ADAMTSL1: variants seen among roughly 807,000 people sequenced by gnomAD.
ADAMTSL1 encodes ADAMTS like 1.
Under a neutral mutation model 201.8 loss-of-function variants are expected in ADAMTSL1, and 126 were observed. That is an observed-to-expected ratio of 0.62 (90% CI 0.54 to 0.72). The LOEUF is 0.72. ADAMTSL1 is among the 30% of genes least tolerant of loss of function. ADAMTSL1 has a pLI of 0.00. For missense variants in ADAMTSL1, 2,679 were observed against 2,277.8 expected, an observed-to-expected ratio of 1.18 and a Z score of -3.59; for synonymous variants, 1,121 against 903.4, an observed-to-expected ratio of 1.24 and a Z score of -4.32.
chr9:18,476,576 T>G (rs1821464244), intron 1 of ADAMTSL1, among the ~76,000 whole-genome samples: 1 of 152,210 alleles, frequency 6.6e-6, no homozygotes, highest in Non-Finnish European at 1.5e-5. Context: ...TTTAGCCTGT[T>G]GTGTACTTGA....
At chr9:18,021,690 A>G (rs74749592) in intron 1 of ADAMTSL1, among the ~76,000 whole-genome samples, 1 of 152,176 alleles carries the variant, frequency 6.6e-6, no homozygotes, top group Admixed American at 6.6e-5. Context: ...TTAAAAGGAG[A>G]TAGATATCTC....
intron 1 of ADAMTSL1, among the ~76,000 whole-genome samples, chr9:17,952,714 G>C (rs1165076422): frequency 1.3e-5 from 2 of 151,984 alleles, no homozygotes; most frequent in African/African-American, 2.4e-5. Context: ...TTTAATAGAG[G>C]CGGGGTTTCA....
chr9:18,105,637 G>A (rs2131862445), intron 1 of ADAMTSL1, among the ~76,000 whole-genome samples: 1 of 152,292 alleles, frequency 6.6e-6, no homozygotes, highest in Non-Finnish European at 1.5e-5. Context: ...GCCCCACAAA[G>A]AGTGCTTTGC....
chr9:18,399,509 T>C (rs530753166), intron 2 of ADAMTSL1, among the ~76,000 whole-genome samples: 3 of 95,710 alleles, frequency 3.1e-5, no homozygotes, highest in Admixed American at 2.1e-4. Context: ...TTCTGGCTGA[T>C]TTTTATATTT....
At chr9:18,396,539 A>T (rs9407904) in intron 2 of ADAMTSL1, among the ~76,000 whole-genome samples, 83,135 of 147,606 alleles carry the variant, frequency 0.56, 23,880 homozygotes, top group South Asian at 0.68. Flanking sequence ...ATTTATATCA[A>T]GTAATATAAT....
chr9:17,988,283 T>G (rs1181655130), intron 1 of ADAMTSL1, among the ~76,000 whole-genome samples: 6 of 152,114 alleles, frequency 3.9e-5, no homozygotes, highest in Non-Finnish European at 7.4e-5. Flanking sequence ...ATGACCTGAT[T>G]ATGAGTTCAC....
At chr9:18,444,198 T>C (rs138271110) in intron 2 of ADAMTSL1, among the ~76,000 whole-genome samples, 2 of 152,258 alleles carry the variant, frequency 1.3e-5, no homozygotes, top group East Asian at 3.9e-4. Context: ...TTTTTTTAGT[T>C]TTTGCAGTGA....
chr9:17,996,264 C>G (rs12002463), intron 1 of ADAMTSL1, among the ~76,000 whole-genome samples: 7,170 of 151,886 alleles, frequency 0.047, 387 homozygotes, highest in African/African-American at 0.12. Context: ...AAAAGAACAA[C>G]CGCTGTATTA....
intron 7 of ADAMTSL1, among the ~76,000 whole-genome samples, chr9:18,653,953 T>C (rs1019175157): frequency 6.6e-6 from 1 of 152,130 alleles, no homozygotes; most frequent in Non-Finnish European, 1.5e-5. Flanking sequence ...TGGGGTTGGG[T>C]GTGGTGGCTC....
At chr9:18,088,305 A>G (rs1823856123) in intron 1 of ADAMTSL1, among the ~76,000 whole-genome samples, 1 of 152,204 alleles carries the variant, frequency 6.6e-6, no homozygotes, top group African/African-American at 2.4e-5. Flanking sequence ...AGAAGAAAAC[A>G]TAGAGGAAAG....
chr9:18,568,025 C>G (rs1385925809), intron 3 of ADAMTSL1, among the ~76,000 whole-genome samples: 1 of 152,098 alleles, frequency 6.6e-6, no homozygotes, highest in African/African-American at 2.4e-5. Flanking sequence ...AATGTGATCT[C>G]TCTTTCATTC....
At chr9:17,940,613 T>A (rs1827196525) in intron 1 of ADAMTSL1, among the ~76,000 whole-genome samples, 1 of 151,574 alleles carries the variant, frequency 6.6e-6, no homozygotes, top group East Asian at 1.9e-4. Flanking sequence ...AAATGCAAGA[T>A]GGGAGCCAAA....
intron 4 of ADAMTSL1, among the ~76,000 whole-genome samples, chr9:18,601,035 G>T (rs2151153): frequency 6.6e-6 from 1 of 151,706 alleles, no homozygotes; most frequent in Non-Finnish European, 1.5e-5. Context: ...TTTTCTTTCT[G>T]ATTTCTCAAA....
At chr9:18,075,481 A>C (rs907621503) in intron 1 of ADAMTSL1, among the ~76,000 whole-genome samples, 3 of 152,084 alleles carry the variant, frequency 2.0e-5, no homozygotes, top group African/African-American at 7.2e-5. Flanking sequence ...ACTATGTAAT[A>C]AAATGGGGTT....
intron 19 of ADAMTSL1, among the ~76,000 whole-genome samples, chr9:18,786,081 A>G (rs1821691245): frequency 1.3e-5 from 2 of 152,352 alleles, no homozygotes; most frequent in African/African-American, 4.8e-5. Flanking sequence ...TTTCTTTTCA[A>G]AAGGAATGCA....
chr9:18,105,628 C>T (rs1265625173), intron 1 of ADAMTSL1, among the ~76,000 whole-genome samples: 1 of 152,084 alleles, frequency 6.6e-6, no homozygotes, highest in Non-Finnish European at 1.5e-5. Flanking sequence ...AGTAAACTAG[C>T]CCCACAAAGA....
intron 1 of ADAMTSL1, among the ~76,000 whole-genome samples, chr9:18,491,931 C>CTTTTAAAGATTTTA (rs1471689124): frequency 3.9e-5 from 6 of 152,236 alleles, no homozygotes; most frequent in African/African-American, 1.4e-4. Flanking sequence ...ATACTACAAT[C>CTTTTAAAGATTTTA]TACTCTGGAC....
chr9:18,411,558 TTATAA>T lies in ADAMTSL1; in HGVS notation c.208-93266_208-93262del, dbSNP rs555993265. ...AATTTTTTCAATCAGTTCAAAATGA[TTATAA>T]TATATGTATATAATTTCTAGATTTA... On this transcript the variant is annotated intron_variant, in intron 2 of 29. Coordinates refer to the ADAMTSL1 transcript ENST00000680146. Among the ~76,000 whole-genome samples, 40 of 152,292 alleles carry T rather than the reference TTATAA, an allele frequency of 2.6e-4. No homozygotes were observed. The South Asian group carries it at 8.1e-3, about 31-fold the overall frequency.
Position 18,575,847 on chromosome 9 carries a change from C to T in ADAMTSL1, c.474+1581C>T, listed in dbSNP as rs189884727. Among the ~76,000 whole-genome samples, 4 of 152,244 alleles carry T rather than the reference C, an allele frequency of 2.6e-5. No homozygotes were observed. The East Asian group carries it at 7.7e-4, about 29-fold the overall frequency. ...TTCAATGTTATTGCTACTATATTACCCTGCTGAATGAACCAAAATAAACAA... is the reference window on the plus strand; with the variant it reads ...TTCAATGTTATTGCTACTATATTACTCTGCTGAATGAACCAAAATAAACAA... On this transcript the variant is annotated intron_variant, in intron 4 of 28. Transcript: ENST00000380548.
Sources: allele counts gnomAD v4.1 joint callset (sites outside exome capture counted in the v4.1 genomes callset), GRCh38; gene constraint gnomAD v4.1.1; transcripts MANE v1.5; gene names NCBI Gene and HGNC (gene_info 2026-07-23, HGNC 2026-07-21).